The following ALKBH3 variants were observed in gnomAD, a reference collection of about 807,000 sequenced individuals.
The protein encoded by ALKBH3 is alkB homolog 3, alpha-ketoglutarate dependent dioxygenase, also known as alpha-ketoglutarate-dependent dioxygenase alkB homolog 3.
In ALKBH3, 51 loss-of-function variants were observed where a neutral mutation model predicts 43.9. The observed-to-expected ratio is 1.16, with a 90% CI of 0.93 to 1.47. ALKBH3 has a LOEUF of 1.47. Ranked by LOEUF, ALKBH3 falls within the 40% of genes most tolerant of loss-of-function variation. The probability of loss-of-function intolerance (pLI) is 0.00; values close to 1 mark genes in which losing one functional copy is unlikely to be tolerated. For missense variants in ALKBH3, 361 were observed against 351.9 expected (o/e 1.03, Z -0.21); for synonymous variants, 102 against 115.2 (o/e 0.89, Z 0.73).
In ALKBH3 at chr11:43,881,166, T is replaced by G. The variant is rs1389787630; in HGVS notation, c.-84T>G. On this transcript the variant is annotated 5_prime_UTR_variant, in exon 1 of 10. Coordinates refer to ENST00000302708, the MANE Select transcript of ALKBH3 (RefSeq NM_139178.4). ...ACTGCCCTGTTTACTGAGGAAAAAC[T>G]GGGGCTCAGAAAGGTGAAGTCATTT... 6.6e-6 allele frequency: 1 copy of G among 152,300 alleles called. No individual in the cohort carries two copies. The highest frequency in any genetic ancestry group is 1.5e-5 in the Non-Finnish European group (1 of 68,090). The allele number at this position is 152,300 out of a possible 1,614,324, so 9.4% of individuals were successfully genotyped here. A position where few individuals can be genotyped will look rare whatever the true frequency, so the allele number is the denominator to read the frequency against.
chr11:43,890,374 A>T (rs1292120964), intron 6 of ALKBH3, among the ~76,000 whole-genome samples: 2 of 152,160 alleles, frequency 1.3e-5, no homozygotes, highest in Non-Finnish European at 2.9e-5. Flanking sequence ...GCGGGCATCC[A>T]CAAGCCAACA....
At position 43,920,183 on chromosome 11, in the gene ALKBH3, T is replaced by G. The variant is rs1472943040; in HGVS notation, c.*173T>G. 1.7e-6 allele frequency: 1 copy of G among 604,092 alleles called. No homozygotes were observed. The highest frequency in any genetic ancestry group is 2.9e-6 in the Non-Finnish European group (1 of 341,532). The allele number at this position is 604,092 out of a possible 1,614,324, so 37.4% of individuals were successfully genotyped here. On this transcript the variant is annotated 3_prime_UTR_variant, in exon 10 of 10. Coordinates refer to ENST00000302708, the MANE Select transcript of ALKBH3 (RefSeq NM_139178.4). ...GAAAGCCAGCAACTCATGTTGGTAA[T>G]AGGTCTACTGTGGGAACAGTTATCC... is the stretch of plus-strand genomic sequence containing the variant.
intron 7 of ALKBH3, among the ~76,000 whole-genome samples, chr11:43,900,560 AT>A (rs1055628707): frequency 6.6e-6 from 1 of 152,040 alleles, no homozygotes; most frequent in Non-Finnish European, 1.5e-5. Flanking sequence ...GTAGTTGAAA[AT>A]TTTTTTAGTT....
In ALKBH3 at chr11:43,881,199, G is replaced by C. The variant is rs1342249835; in HGVS notation, c.-71+20G>C. The C allele has an allele frequency of 6.6e-6, 1 of 152,384 alleles. No individual in the cohort carries two copies. Among genetic ancestry groups the C allele is most frequent in the Admixed American group, 6.5e-5 (1 of 15,288 alleles). The allele number at this position is 152,384 out of a possible 1,614,324, so 9.4% of individuals were successfully genotyped here. ...AGAAAGGTGAAGTCATTTGCCATGG[G>C]CCATGCAGCTGGGAAGTGACAGATC... is the stretch of plus-strand genomic sequence containing the variant. On this transcript the variant is annotated intron_variant, in intron 1 of 9. Coordinates refer to ENST00000302708, the MANE Select transcript of ALKBH3 (RefSeq NM_139178.4).
intron 7 of ALKBH3, among the ~76,000 whole-genome samples, chr11:43,895,627 G>C (rs1951813340): frequency 6.6e-6 from 1 of 152,170 alleles, no homozygotes; most frequent in Admixed American, 6.5e-5. Context: ...TAGATCCCTG[G>C]AGAGGGTTCA....
intron 7 of ALKBH3, chr11:43,898,925 G>C (rs746844066): frequency 2.3e-4 from 174 of 746,574 alleles, no homozygotes; most frequent in Non-Finnish European, 3.9e-4. Context: ...AGGGTGGACT[G>C]GTCCCCAAAT....
chr11:43,905,210 T>G (rs1266655194), intron 8 of ALKBH3, among the ~76,000 whole-genome samples: 1 of 152,218 alleles, frequency 6.6e-6, no homozygotes, highest in African/African-American at 2.4e-5. Flanking sequence ...CTGTTTATTT[T>G]GTAGTCTGGC....
At chr11:43,890,216 T>C (rs1307562318) in intron 6 of ALKBH3, among the ~76,000 whole-genome samples, 1 of 152,226 alleles carries the variant, frequency 6.6e-6, no homozygotes, top group Non-Finnish European at 1.5e-5. Flanking sequence ...CTATTTTGCA[T>C]ACATTCTTTC....
chr11:43,905,670 A>G (rs941672583), intron 8 of ALKBH3, among the ~76,000 whole-genome samples: 4 of 152,184 alleles, frequency 2.6e-5, no homozygotes, highest in Non-Finnish European at 4.4e-5. Flanking sequence ...GTCAGGCTAT[A>G]TTGTCTTAAG....
chr11:43,908,243 A>G (rs1456434581), intron 8 of ALKBH3, among the ~76,000 whole-genome samples: 1 of 152,242 alleles, frequency 6.6e-6, no homozygotes, highest in East Asian at 1.9e-4. Flanking sequence ...TTCAGAGCTC[A>G]TTGAGACTGA....
At chr11:43,881,923 T>C (rs1951714015) in intron 1 of ALKBH3, among the ~76,000 whole-genome samples, 1 of 152,230 alleles carries the variant, frequency 6.6e-6, no homozygotes, top group Admixed American at 6.5e-5. Context: ...ACTGTCAAAT[T>C]AGTATTATTA....
intron 8 of ALKBH3, among the ~76,000 whole-genome samples, chr11:43,916,140 T>C (rs1422456752): frequency 1.3e-5 from 2 of 152,246 alleles, no homozygotes; most frequent in African/African-American, 4.8e-5. Context: ...TCATACAGTA[T>C]GAATTACCTT....
At chr11:43,897,173 G>T in intron 7 of ALKBH3, 1 of 506,012 alleles carries the variant, frequency 2.0e-6, no homozygotes, top group East Asian at 5.6e-5. Flanking sequence ...AAAATAATAT[G>T]AAAAGTTTGA....
chr11:43,903,345 A>G (rs900542341), intron 8 of ALKBH3, among the ~76,000 whole-genome samples: 6 of 152,222 alleles, frequency 3.9e-5, no homozygotes, highest in African/African-American at 1.4e-4. Flanking sequence ...CCAAGTTCAC[A>G]TGTGTGAAAA....
At chr11:43,889,249 T>C (rs1037014308) in intron 5 of ALKBH3, among the ~76,000 whole-genome samples, 5 of 152,218 alleles carry the variant, frequency 3.3e-5, no homozygotes, top group African/African-American at 1.2e-4. Flanking sequence ...GGTCTCGAAC[T>C]CCTGACCTCA....
intron 8 of ALKBH3, among the ~76,000 whole-genome samples, chr11:43,906,831 T>C (rs998407608): frequency 6.6e-6 from 1 of 152,252 alleles, no homozygotes; most frequent in African/African-American, 2.4e-5. Context: ...CTATCCCTGA[T>C]GTTGCCAAAA....
chr11:43,914,471 T>C (rs909388243), intron 8 of ALKBH3, among the ~76,000 whole-genome samples: 3 of 150,980 alleles, frequency 2.0e-5, no homozygotes, highest in African/African-American at 7.3e-5. Context: ...GAAACTGTTA[T>C]AAAAAGAAGC....
At chr11:43,898,766 C>T (rs528939271) in intron 7 of ALKBH3, 31 of 744,328 alleles carry the variant, frequency 4.2e-5, no homozygotes, top group South Asian at 1.5e-4. Flanking sequence ...GTGCTCTGGA[C>T]GCTGGTTAGT....
chr11:43,903,011 G>A (rs12804832), intron 8 of ALKBH3, among the ~76,000 whole-genome samples: 8,991 of 152,268 alleles, frequency 0.059, 378 homozygotes, highest in South Asian at 0.17. Flanking sequence ...TGTTTTCCTG[G>A]TGTGTATTGG....
Sources: gnomAD v4.1 joint callset for allele counts (sites outside exome capture counted in the v4.1 genomes callset) on GRCh38, gnomAD v4.1.1 for gene constraint, MANE v1.5 for transcripts, NCBI Gene and HGNC (gene_info 2026-07-23, HGNC 2026-07-21) for gene names.